Variants in ADAM32 observed in about 807,000 individuals in gnomAD.
ADAM32 encodes ADAM metallopeptidase domain 32, also known as disintegrin and metalloproteinase domain-containing protein 32.
Under a neutral mutation model 114.9 loss-of-function variants are expected in ADAM32, and 89 were observed. The ratio of observed to expected loss-of-function variants is 0.77; its 90% CI spans 0.65 to 0.92. The LOEUF is 0.92. Among genes scored for constraint, ADAM32 ranks in the 40% least tolerant of loss-of-function variants. ADAM32 has a pLI of 0.00. For synonymous variants in ADAM32, 285 were observed against 307.5 expected (o/e 0.93, Z 0.77); for missense variants, 870 against 932.8 (o/e 0.93, Z 0.88).
intron 19 of ADAM32, among the ~76,000 whole-genome samples, chr8:39,260,316 T>C (rs1345360621): frequency 6.6e-6 from 1 of 152,170 alleles, no homozygotes; most frequent in Non-Finnish European, 1.5e-5. Context: ...CCTTTTTTTC[T>C]TATTTCTTGT....
At chr8:39,126,599 A>T (rs1802130108) in intron 2 of ADAM32, among the ~76,000 whole-genome samples, 1 of 152,120 alleles carries the variant, frequency 6.6e-6, no homozygotes, top group Admixed American at 6.5e-5. Context: ...GGTTTTCTAG[A>T]TATAGGATCA....
intron 4 of ADAM32, among the ~76,000 whole-genome samples, chr8:39,149,084 G>A (rs533731007): frequency 9.0e-4 from 137 of 152,214 alleles, no homozygotes; most frequent in African/African-American, 3.2e-3. Flanking sequence ...TACTAACCAC[G>A]TTGTCCAAAC....
At chr8:39,161,733 G>A (rs1336547247) in intron 7 of ADAM32, among the ~76,000 whole-genome samples, 3 of 152,078 alleles carry the variant, frequency 2.0e-5, no homozygotes, top group Non-Finnish European at 4.4e-5. Context: ...GGAAGCCAGA[G>A]TTAAGGTCAG....
chr8:39,187,290 G>T (rs1035631156), intron 11 of ADAM32, among the ~76,000 whole-genome samples: 8 of 149,628 alleles, frequency 5.3e-5, no homozygotes, highest in Non-Finnish European at 1.0e-4. Context: ...GATTTTTTTT[G>T]AGATGGAGTC....
At chr8:39,251,246 C>G (rs983708676) in intron 17 of ADAM32, among the ~76,000 whole-genome samples, 1 of 151,762 alleles carries the variant, frequency 6.6e-6, no homozygotes, top group African/African-American at 2.4e-5. Context: ...TGAGGAATCT[C>G]CACACAATTT....
In ADAM32 at chr8:39,270,894, C is replaced by T. The variant is rs556832291; in HGVS notation, c.2181C>T (p.Ser727=). ...TTTTTAGATCTAAATCGGAAGGTAG[C>T]ACACAGACATATGCCAGCCAGTAAG... ...FPSSESKSEG[S]TQTYASQSSS... Residue 727 remains serine, a synonymous_variant, in exon 20 of 25, where the codon AGC becomes AGT. Transcript: ENST00000379907. The T allele has an allele frequency of 1.7e-5, 28 of 1,610,802 alleles. No homozygotes were observed. The South Asian group carries it at 3.0e-4, about 17-fold the overall frequency.
chr8:39,164,860 A>T, intron 8 of ADAM32, 25 bp downstream of exon 8: 2 of 1,580,394 alleles, frequency 1.3e-6, no homozygotes, highest in Non-Finnish European at 1.7e-6. Context: ...TTTCATATTA[A>T]AATAATTGTT....
intron 11 of ADAM32, among the ~76,000 whole-genome samples, chr8:39,204,106 T>A (rs530893393): frequency 6.6e-6 from 1 of 152,344 alleles, no homozygotes; most frequent in African/African-American, 2.4e-5. Flanking sequence ...GACAATTATG[T>A]GTCTTGGAGT....
chr8:39,200,864 C>T (rs1185409533), intron 11 of ADAM32, among the ~76,000 whole-genome samples: 8 of 152,140 alleles, frequency 5.3e-5, no homozygotes, highest in Non-Finnish European at 1.2e-4. Flanking sequence ...TTCCCAGCAC[C>T]ATTTATTAAA....
chr8:39,109,165 TTTTG>T (rs1458846679), intron 1 of ADAM32, among the ~76,000 whole-genome samples: 5 of 152,352 alleles, frequency 3.3e-5, no homozygotes, highest in South Asian at 2.1e-4. Flanking sequence ...CTCAAAGAGC[TTTTG>T]TTTATGTGGA....
chr8:39,133,510 G>A (rs1256454561), intron 2 of ADAM32, among the ~76,000 whole-genome samples: 1 of 152,242 alleles, frequency 6.6e-6, no homozygotes, highest in Non-Finnish European at 1.5e-5. Flanking sequence ...TGGCAGGTCA[G>A]GTGGATGGGG....
intron 6 of ADAM32, among the ~76,000 whole-genome samples, chr8:39,152,938 C>T (rs1803929564): frequency 1.3e-5 from 2 of 152,086 alleles, no homozygotes; most frequent in Non-Finnish European, 2.9e-5. Context: ...TCTTCTTTCC[C>T]TTTTCTGCTG....
chr8:39,205,066 C>T (rs932693839), intron 11 of ADAM32, among the ~76,000 whole-genome samples: 4 of 152,198 alleles, frequency 2.6e-5, no homozygotes, highest in East Asian at 1.9e-4. Context: ...TTAGGCTACT[C>T]GGGGGTCAGG....
chr8:39,149,024 T>C (rs77146317), intron 4 of ADAM32, among the ~76,000 whole-genome samples: 1,792 of 152,254 alleles, frequency 0.012, 36 homozygotes, highest in African/African-American at 0.04. Context: ...TTAGAAAGCA[T>C]ATATTCTAAA....
chr8:39,150,924 C>T (rs1331286814), intron 5 of ADAM32, among the ~76,000 whole-genome samples: 1 of 38,384 alleles, frequency 2.6e-5, no homozygotes, highest in African/African-American at 3.3e-5. Context: ...AATCATTTTT[C>T]AAAAGCATGG....
At chr8:39,250,995 G>T (rs1220727912) in intron 17 of ADAM32, among the ~76,000 whole-genome samples, 1 of 151,830 alleles carries the variant, frequency 6.6e-6, no homozygotes, top group South Asian at 2.1e-4. Context: ...GTTGCTATGA[G>T]TGATGGGATT....
chr8:39,257,421 G>A, intron 19 of ADAM32, 78 bp downstream of exon 19: 2 of 1,491,364 alleles, frequency 1.3e-6, no homozygotes, highest in Non-Finnish European at 9.1e-7. Flanking sequence ...ATCACGAGCA[G>A]TAGCAATACT....
intron 2 of ADAM32, among the ~76,000 whole-genome samples, chr8:39,127,879 CT>C (rs1327292843): frequency 6.6e-6 from 1 of 152,100 alleles, no homozygotes; most frequent in Non-Finnish European, 1.5e-5. Flanking sequence ...TATGCTGTCT[CT>C]TTTTTCTCAT....
chr8:39,125,637 T>C (rs1345161028), intron 2 of ADAM32, among the ~76,000 whole-genome samples: 1 of 152,244 alleles, frequency 6.6e-6, no homozygotes, highest in Non-Finnish European at 1.5e-5. Context: ...CTGTTCACTC[T>C]GATCATACTT....
Sources: gnomAD v4.1 joint callset for allele counts (sites outside exome capture counted in the v4.1 genomes callset) on GRCh38, gnomAD v4.1.1 for gene constraint, MANE v1.5 for transcripts, NCBI Gene and HGNC (gene_info 2026-07-23, HGNC 2026-07-21) for gene names.